The following TSHZ2 variants were observed in gnomAD, a reference collection of about 807,000 sequenced individuals.
TSHZ2 encodes the protein teashirt homolog 2.
TSHZ2 carries 21 observed loss-of-function variants against 74.4 expected under a neutral mutation model. That is an observed-to-expected ratio of 0.28 (90% CI 0.20 to 0.41). TSHZ2 has a LOEUF of 0.41. TSHZ2 is among the 10% of genes least tolerant of loss of function. TSHZ2 has a pLI of 1.00. For missense variants in TSHZ2, 1,244 were observed against 1,293.5 expected (o/e 0.96, Z 0.59); for synonymous variants, 540 against 515.3 (o/e 1.05, Z -0.65).
chr20:53,196,366 T>TAAAAAAAAAAAAAAAAA (rs34385917), intron 1 of TSHZ2: 15 of 109,674 alleles, frequency 1.4e-4, no homozygotes, highest in African/African-American at 4.7e-4. Flanking sequence ...AATCTGCTGC[T>TAAAAAAAAAAAAAAAAA]AAAAAAAAAA....
chr20:53,242,971 A>G (rs1240579620), intron 1 of TSHZ2, among the ~76,000 whole-genome samples: 3 of 152,228 alleles, frequency 2.0e-5, no homozygotes, highest in Non-Finnish European at 4.4e-5. Context: ...AATCAAGTAC[A>G]TAGTAAGTAC....
At chr20:53,056,011 T>G (rs1984627906) in intron 1 of TSHZ2, among the ~76,000 whole-genome samples, 1 of 152,238 alleles carries the variant, frequency 6.6e-6, no homozygotes, top group African/African-American at 2.4e-5. Context: ...TATTTTATTT[T>G]CTTCACAGTA....
intron 1 of TSHZ2, among the ~76,000 whole-genome samples, chr20:52,989,700 C>T (rs1236651526): frequency 6.6e-6 from 1 of 151,822 alleles, no homozygotes; most frequent in Non-Finnish European, 1.5e-5. Flanking sequence ...CTTTCTCAGT[C>T]TCTCCCTAGA....
chr20:53,342,547 T>C (rs1980249894), intron 2 of TSHZ2, among the ~76,000 whole-genome samples: 1 of 152,182 alleles, frequency 6.6e-6, no homozygotes, highest in African/African-American at 2.4e-5. Context: ...TCTTCAGTGC[T>C]TGTTCTGTCT....
intron 2 of TSHZ2, among the ~76,000 whole-genome samples, chr20:53,475,666 A>T (rs544069272): frequency 1.4e-4 from 18 of 131,296 alleles, no homozygotes; most frequent in African/African-American, 2.1e-4. Flanking sequence ...ATCAGAGCAG[A>T]ACTGAAGGAA....
intron 2 of TSHZ2, among the ~76,000 whole-genome samples, chr20:53,325,423 G>A (rs941280296): frequency 3.9e-5 from 6 of 152,234 alleles, no homozygotes; most frequent in African/African-American, 1.4e-4. Flanking sequence ...GAAGCTGCAT[G>A]TGTGGACATT....
chr20:53,022,436 G>A (rs757331649), intron 1 of TSHZ2, among the ~76,000 whole-genome samples: 1 of 152,116 alleles, frequency 6.6e-6, no homozygotes, highest in African/African-American at 2.4e-5. Context: ...TTACTGGACC[G>A]TCTATCAATA....
At chr20:53,327,636 A>G (rs936537635) in intron 2 of TSHZ2, among the ~76,000 whole-genome samples, 3 of 152,364 alleles carry the variant, frequency 2.0e-5, no homozygotes, top group African/African-American at 7.2e-5. Context: ...TACAATAAAT[A>G]TTGACCGAGT....
chr20:53,470,132 C>T (rs562646960), intron 2 of TSHZ2, among the ~76,000 whole-genome samples: 22 of 152,160 alleles, frequency 1.4e-4, no homozygotes, highest in Non-Finnish European at 2.8e-4. Context: ...CTGTTGTCAA[C>T]GCTGGGAAAA....
chr20:53,073,086 A>C (rs931749970), intron 1 of TSHZ2, among the ~76,000 whole-genome samples: 32 of 134,240 alleles, frequency 2.4e-4, no homozygotes, highest in African/African-American at 8.9e-4. Flanking sequence ...TCCTTTATTC[A>C]TCTATCCCTC....
intron 2 of TSHZ2, among the ~76,000 whole-genome samples, chr20:53,286,014 A>G (rs992265306): frequency 1.3e-5 from 2 of 152,154 alleles, no homozygotes; most frequent in Non-Finnish European, 2.9e-5. Flanking sequence ...ATAATAATCA[A>G]TTTATTTTTA....
intron 1 of TSHZ2, among the ~76,000 whole-genome samples, chr20:53,251,294 G>A (rs1032230138): frequency 3.9e-5 from 6 of 152,120 alleles, no homozygotes; most frequent in Non-Finnish European, 4.4e-5. Context: ...GATGAAATTT[G>A]TCTGATTCTC....
intron 1 of TSHZ2, among the ~76,000 whole-genome samples, chr20:53,092,182 A>C (rs1201314130): frequency 1.3e-5 from 2 of 151,998 alleles, no homozygotes; most frequent in African/African-American, 4.8e-5. Flanking sequence ...CATCAATTAG[A>C]ATTGACATCA....
chr20:53,488,066 G>A lies in TSHZ2; in HGVS notation c.*931G>A, dbSNP rs2145865852. 1 of 152,282 alleles carries A rather than the reference G, an allele frequency of 6.6e-6. No homozygotes were observed. Among genetic ancestry groups the A allele is most frequent in the East Asian group, 1.9e-4 (1 of 5,182 alleles). The allele number at this position is 152,282 out of a possible 1,614,324, so 9.4% of individuals were successfully genotyped here. On this transcript the variant is annotated 3_prime_UTR_variant, in exon 3 of 3. Transcript: ENST00000371497. ...GTAATCCCTTTCTGCAGAACCTGAT[G>A]TTTATGGGCTCTAAAACGCAGCTTA...
In TSHZ2 at chr20:53,279,721, G is replaced by T. The variant is rs1991017089; in HGVS notation, c.*8+23150G>T. On this transcript the variant is annotated intron_variant, in intron 2 of 2. Transcript: ENST00000371497. Reference sequence around the variant, plus strand: ...TCTTACATTCTTGTTGGAGGAAATAGACACAAAATTAAAAAATAAATAAGG... The same window carrying T: ...TCTTACATTCTTGTTGGAGGAAATATACACAAAATTAAAAAATAAATAAGG... 2.0e-5 allele frequency among the ~76,000 whole-genome samples: 3 copies of T among 152,134 alleles called. No homozygotes were observed. The South Asian group carries it at 6.2e-4, about 32-fold the overall frequency.
intron 2 of TSHZ2, among the ~76,000 whole-genome samples, chr20:53,426,264 G>T (rs375858608): frequency 2.6e-5 from 4 of 152,270 alleles, no homozygotes; most frequent in Admixed American, 6.5e-5. Context: ...GTAAGCTTTG[G>T]AAATACAAAG....
At chr20:53,463,438 G>A (rs1985457753) in intron 2 of TSHZ2, among the ~76,000 whole-genome samples, 1 of 147,272 alleles carries the variant, frequency 6.8e-6, no homozygotes, top group African/African-American at 2.5e-5. Flanking sequence ...AAGGAAGGAG[G>A]GAGGGAGGGA....
intron 1 of TSHZ2, among the ~76,000 whole-genome samples, chr20:53,001,205 CGTGTGTGTGTGTGTGTGTGTGTGTGTGT>C (rs558621179): frequency 7.4e-5 from 7 of 94,262 alleles, no homozygotes; most frequent in East Asian, 2.6e-4. Flanking sequence ...CGTTCATGTG[CGTGTGTGTGTGTGTGTGTGTGTGTGTGT>C]GTGTGTGTGT....
intron 1 of TSHZ2, among the ~76,000 whole-genome samples, chr20:53,200,942 G>C (rs1332911325): frequency 6.6e-6 from 1 of 152,138 alleles, no homozygotes; most frequent in Non-Finnish European, 1.5e-5. Context: ...ACAAATATTA[G>C]AATGGGTTGA....
Sources: gnomAD v4.1 joint callset for allele counts (sites outside exome capture counted in the v4.1 genomes callset) on GRCh38, gnomAD v4.1.1 for gene constraint, MANE v1.5 for transcripts, NCBI Gene and HGNC (gene_info 2026-07-23, HGNC 2026-07-21) for gene names.